ANGPTL4: variants seen among roughly 807,000 people sequenced by gnomAD.
ANGPTL4 encodes the protein angiopoietin-related protein 4.
In ANGPTL4, 39 loss-of-function variants were observed where a neutral mutation model predicts 39.2. The observed-to-expected ratio is 1.00, with a 90% CI of 0.77 to 1.30. The LOEUF (loss-of-function observed/expected upper bound fraction) is 1.30. ANGPTL4 is among the 50% of genes most tolerant of loss of function. The probability of loss-of-function intolerance (pLI) is 0.00; values close to 1 mark genes in which losing one functional copy is unlikely to be tolerated. For synonymous variants in ANGPTL4, 233 were observed against 229.5 expected (o/e 1.02, Z -0.14); for missense variants, 545 against 549.8 (o/e 0.99, Z 0.09).
In ANGPTL4 at chr19:8,371,641, T is replaced by A; in HGVS notation, c.1039+119T>A. 7.0e-7 allele frequency: 1 copy of A among 1,422,752 alleles called. No homozygotes were observed. Among genetic ancestry groups the A allele is most frequent in the Non-Finnish European group, 9.5e-7 (1 of 1,047,332 alleles). 88.1% of individuals were successfully genotyped at this position (1,422,752 alleles called of 1,614,324 possible). A position where few individuals can be genotyped will look rare whatever the true frequency, so the allele number is the denominator to read the frequency against. On this transcript the variant is annotated intron_variant, in intron 6 of 6. Transcript: ENST00000301455. This position sits in a 1 kb window ranked among gnomAD's most constrained non-coding sequence, Gnocchi z 5.1. ...TTCCTGCCCCCACCTCTTCCTTACATGCCGTGTGTGTGATTGGGCCACTAA... is the reference window on the plus strand; with the variant it reads ...TTCCTGCCCCCACCTCTTCCTTACAAGCCGTGTGTGTGATTGGGCCACTAA...
chr19:8,366,347 G>C (rs749817478), intron 3 of ANGPTL4, 28 bp downstream of exon 3: 3 of 1,606,354 alleles, frequency 1.9e-6, no homozygotes, highest in Non-Finnish European at 2.6e-6. Flanking sequence ...GATGCTCTCC[G>C]GTGGCCACCC....
chr19:8,373,150 A>T (rs765813017), intron 6 of ANGPTL4, among the ~76,000 whole-genome samples: 7 of 152,102 alleles, frequency 4.6e-5, no homozygotes, highest in East Asian at 1.9e-4. Flanking sequence ...CATACCTGTA[A>T]TCCCAGCACT....
At position 8,371,314 on chromosome 19, in the gene ANGPTL4, G is replaced by A; in HGVS notation, c.831G>A (p.Leu277=). 1 of 1,613,884 alleles carries A rather than the reference G, an allele frequency of 6.2e-7. No individual in the cohort carries two copies. The highest frequency in any genetic ancestry group is 1.1e-5 in the South Asian group (1 of 91,086). Residue 277 remains leucine (L), a synonymous_variant, in exon 6 of 7, where the codon CTG becomes CTA. Coordinates refer to ENST00000301455, the MANE Select transcript of ANGPTL4 (RefSeq NM_139314.3). The surrounding 1 kb of genome is among the most constrained non-coding windows in gnomAD (Gnocchi z 5.1). ...GDRNSRLAVQ[L]RDWDGNAELL... ...GCAACAGCCGCCTGGCCGTGCAGCT[G>A]CGGGACTGGGATGGCAACGCCGAGT...
At position 8,373,836 on chromosome 19, in the gene ANGPTL4, C is replaced by T; in HGVS notation, c.1171C>T (p.Gln391Ter). Residue 391 changes from glutamine (Q) to a stop codon, truncating the protein, a stop_gained, in exon 7 of 7, where the codon CAG (glutamine) becomes TAG (stop). Transcript: ENST00000301455. LOFTEE classifies it high-confidence loss of function. The stretch of plus-strand genomic sequence containing the variant: ...CTGGCGGGGCCGCTACTACCCGCTG[C>T]AGGCCACCACCATGTTGATCCAGCC... Reference protein sequence around the residue: ...KTWRGRYYPLQATTMLIQPMA... With the variant: ...KTWRGRYYPL 1 of 1,613,878 alleles carries T rather than the reference C, an allele frequency of 6.2e-7. No homozygotes were observed. The highest frequency in any genetic ancestry group is 8.5e-7 in the Non-Finnish European group (1 of 1,180,010).
At position 8,371,434 on chromosome 19, in the gene ANGPTL4, C is replaced by T. The variant is rs1173777342; in HGVS notation, c.951C>T (p.Val317=). 4 of 1,613,406 alleles carry T rather than the reference C, an allele frequency of 2.5e-6. No homozygotes were observed. Among genetic ancestry groups the T allele is most frequent in the Non-Finnish European group, 3.4e-6 (4 of 1,180,012 alleles). ...CCGGCCAGCTGGGCGCCACCACCGT[C>T]CCACCCAGCGGCCTCTCCGTACCCT... ...PVAGQLGATT[V]PPSGLSVPFS... is the part of the protein sequence containing the mutation. The change falls in exon 6 of 7, where the codon GTC becomes GTT. Residue 317 remains valine, a synonymous_variant. Coordinates refer to ENST00000301455, the MANE Select transcript of ANGPTL4 (RefSeq NM_139314.3). This position sits in a 1 kb window ranked among gnomAD's most constrained non-coding sequence, Gnocchi z 5.1.
In ANGPTL4 at chr19:8,364,240, C is replaced by G; in HGVS notation, c.-82C>G. On this transcript the variant is annotated 5_prime_UTR_variant, in exon 1 of 7. Coordinates refer to ENST00000301455, the MANE Select transcript of ANGPTL4 (RefSeq NM_139314.3). ...CAACCAAGCGGGTCTTACCCCCGGT[C>G]CTCCGCGTCTCCAGTCCTCGCACCT... The G allele has an allele frequency of 7.1e-7, 1 of 1,409,128 alleles. No homozygotes were observed. The highest frequency in any genetic ancestry group is 1.3e-5 in the South Asian group (1 of 76,184). The allele number at this position is 1,409,128 out of a possible 1,614,324, so 87.3% of individuals were successfully genotyped here. A position where few individuals can be genotyped will look rare whatever the true frequency, so the allele number is the denominator to read the frequency against.
chr19:8,366,342 T>C (rs748564829), intron 3 of ANGPTL4, 23 bp downstream of exon 3: 4 of 1,608,736 alleles, frequency 2.5e-6, no homozygotes, highest in East Asian at 2.2e-5. Context: ...CCCTCGATGC[T>C]CTCCGGTGGC....
chr19:8,364,672 C>A, intron 1 of ANGPTL4, 33 bp downstream of exon 1: 1 of 1,561,838 alleles, frequency 6.4e-7, no homozygotes, highest in South Asian at 1.2e-5. Context: ...CTCCGCGCCC[C>A]TAGTGGCTCT....
rs1227182242 is a variant in ANGPTL4, at chr19:8,371,165, G to A, written c.757+14G>A. 6.2e-7 allele frequency: 1 copy of A among 1,614,032 alleles called. No individual in the cohort carries two copies. Among genetic ancestry groups the A allele is most frequent in the Non-Finnish European group, 8.5e-7 (1 of 1,179,956 alleles). On this transcript the variant is annotated intron_variant, in intron 5 of 6. Coordinates refer to ENST00000301455, the MANE Select transcript of ANGPTL4 (RefSeq NM_139314.3). This position sits in a 1 kb window ranked among gnomAD's most constrained non-coding sequence, Gnocchi z 5.1. ...GGGATCCCCACGGTAGGTGTTTCTAGTGGGGACAGAGGCAGGGGAGGAAGA... is the reference window on the plus strand; with the variant it reads ...GGGATCCCCACGGTAGGTGTTTCTAATGGGGACAGAGGCAGGGGAGGAAGA...
intron 6 of ANGPTL4, 71 bp from the exon 7 acceptor site, chr19:8,373,634 T>C: frequency 1.9e-6 from 3 of 1,607,242 alleles, no homozygotes; most frequent in Non-Finnish European, 2.6e-6. Context: ...CTCAACCCTA[T>C]CCCTATCTCC....
At chr19:8,371,000 G>A in intron 4 of ANGPTL4, 56 bp from the exon 5 acceptor site, 1 of 1,542,306 alleles carries the variant, frequency 6.5e-7, no homozygotes, top group Non-Finnish European at 8.8e-7. Flanking sequence ...CCAGATGAGG[G>A]AGTGGGGTCG....
In ANGPTL4 at chr19:8,369,189, G is replaced by A. The variant is rs376530345; in HGVS notation, c.548-30G>A. On this transcript the variant is annotated intron_variant, in intron 3 of 6. Coordinates refer to ENST00000301455, the MANE Select transcript of ANGPTL4 (RefSeq NM_139314.3). ...GACCCCCCCCAGGGGCTGCCCTCCT[G>A]TTTCAAGTCTCCACTTTATCTCCCT... is the stretch of plus-strand genomic sequence containing the variant. 4.7e-5 allele frequency: 75 copies of A among 1,588,300 alleles called. 1 individual carries two copies. The African/African-American group carries it at 6.8e-4, about 14-fold the overall frequency.
chr19:8,367,637 G>A (rs1219006085), intron 3 of ANGPTL4, among the ~76,000 whole-genome samples: 2 of 151,948 alleles, frequency 1.3e-5, no homozygotes, highest in Non-Finnish European at 2.9e-5. Flanking sequence ...TCCCAGTCTG[G>A]AGCGTCTGAG....
intron 3 of ANGPTL4, among the ~76,000 whole-genome samples, chr19:8,367,688 C>T (rs1209005520): frequency 6.6e-6 from 1 of 152,196 alleles, no homozygotes; most frequent in Non-Finnish European, 1.5e-5. Context: ...TCCTCCCTCC[C>T]TCTTTCTTTC....
intron 3 of ANGPTL4, 118 bp from the exon 4 acceptor site, chr19:8,369,101 A>G (rs1971063173): frequency 1.5e-5 from 11 of 725,766 alleles, no homozygotes; most frequent in Non-Finnish European, 4.8e-6. Flanking sequence ...GTCATGAGAT[A>G]AGATTTGCCT....
chr19:8,369,396 GA>G, intron 4 of ANGPTL4, 64 bp downstream of exon 4: 2 of 1,259,360 alleles, frequency 1.6e-6, no homozygotes, highest in Non-Finnish European at 2.3e-6. Flanking sequence ...TCTTTAAATT[GA>G]AAACAAAACA....
intron 1 of ANGPTL4, among the ~76,000 whole-genome samples, chr19:8,365,591 G>A (rs1970986003): frequency 6.6e-6 from 1 of 152,278 alleles, no homozygotes. Flanking sequence ...GGAGGCAGAG[G>A]TTGCAGTGAG....
In ANGPTL4 at chr19:8,374,265, A is replaced by G. The variant is rs1208010455; in HGVS notation, c.*379A>G. 2 of 293,680 alleles carry G rather than the reference A, an allele frequency of 6.8e-6. No individual in the cohort carries two copies. Among genetic ancestry groups the G allele is most frequent in the East Asian group, 1.7e-4 (2 of 11,874 alleles). 18.2% of individuals were successfully genotyped at this position (293,680 alleles called of 1,614,324 possible). A position where few individuals can be genotyped will look rare whatever the true frequency, so the allele number is the denominator to read the frequency against. ...GCTTGTGTGGGTCGAGAGCGCCCTC[A>G]TGGTGCTGGTGCTGTTGTGTGTAGG... On this transcript the variant is annotated 3_prime_UTR_variant, in exon 7 of 7. Transcript: ENST00000301455.
intron 4 of ANGPTL4, among the ~76,000 whole-genome samples, chr19:8,370,483 C>T (rs918927447): frequency 3.9e-5 from 6 of 151,908 alleles, no homozygotes; most frequent in Admixed American, 6.6e-5. Context: ...GAGGCTGAGG[C>T]GGGCAAATCA....
Sources: allele counts gnomAD v4.1 joint callset (sites outside exome capture counted in the v4.1 genomes callset), GRCh38; gene constraint gnomAD v4.1.1; non-coding constraint Gnocchi (gnomAD v3.1); transcripts MANE v1.5; gene names NCBI Gene and HGNC (gene_info 2026-07-23, HGNC 2026-07-21).